The following ADAM17 variants were observed in gnomAD, a reference collection of about 807,000 sequenced individuals.
ADAM17 encodes the protein disintegrin and metalloproteinase domain-containing protein 17.
ADAM17 carries 39 observed loss-of-function variants against 96.7 expected under a neutral mutation model. That is an observed-to-expected ratio of 0.40 (90% CI 0.31 to 0.53). The LOEUF is 0.53. Among genes scored for constraint, ADAM17 ranks in the 20% least tolerant of loss-of-function variants. The pLI is 0.44. For missense variants in ADAM17, 777 were observed against 1,013.2 expected (o/e 0.77, Z 3.17); for synonymous variants, 344 against 359.2 (o/e 0.96, Z 0.48).
chr2:9,497,634 T>C (rs922625451), intron 13 of ADAM17, among the ~76,000 whole-genome samples: 6 of 152,216 alleles, frequency 3.9e-5, no homozygotes, highest in South Asian at 4.1e-4. Context: ...CACACAACTC[T>C]CCCACAGCCC....
intron 1 of ADAM17, among the ~76,000 whole-genome samples, chr2:9,551,586 A>T (rs1457942553): frequency 6.6e-6 from 1 of 151,972 alleles, no homozygotes; most frequent in African/African-American, 2.4e-5. Flanking sequence ...CAGCCTCCCG[A>T]GTAGCTGGGA....
intron 11 of ADAM17, among the ~76,000 whole-genome samples, chr2:9,505,874 A>T (rs1663356410): frequency 6.6e-6 from 1 of 152,170 alleles, no homozygotes; most frequent in African/African-American, 2.4e-5. Context: ...AGTTGTTTAA[A>T]TATTTGAGCT....
At chr2:9,494,978 A>C in intron 14 of ADAM17, 1 of 433,320 alleles carries the variant, frequency 2.3e-6, no homozygotes, top group East Asian at 3.7e-5. Context: ...CAAGGTTTAA[A>C]AAAAAATGCA....
chr2:9,514,551 ATATATATATATATAT>A (rs1663946693), intron 10 of ADAM17, among the ~76,000 whole-genome samples: 1 of 99,050 alleles, frequency 1.0e-5, no homozygotes, highest in African/African-American at 3.2e-5. Flanking sequence ...ATATATATAT[ATATATATATATATAT>A]ATAAATAAAA....
chr2:9,546,942 C>T (rs1173667885), intron 1 of ADAM17, among the ~76,000 whole-genome samples: 12 of 152,104 alleles, frequency 7.9e-5, no homozygotes, highest in African/African-American at 2.7e-4. Flanking sequence ...CTCTTGACCT[C>T]GTGATCCACC....
chr2:9,537,162 AATT>A (rs1250081003), intron 2 of ADAM17, among the ~76,000 whole-genome samples: 3 of 152,242 alleles, frequency 2.0e-5, no homozygotes, highest in African/African-American at 4.8e-5. Flanking sequence ...TATCTAAAAA[AATT>A]ATTATCAAAA....
chr2:9,515,783 G>A (rs1404275780), intron 10 of ADAM17, among the ~76,000 whole-genome samples: 1 of 151,532 alleles, frequency 6.6e-6, no homozygotes, highest in African/African-American at 2.4e-5. Flanking sequence ...ACTGCCAACT[G>A]CCTTCCAAAG....
intron 13 of ADAM17, among the ~76,000 whole-genome samples, chr2:9,498,029 T>C (rs1572890121): frequency 6.6e-6 from 1 of 152,314 alleles, no homozygotes; most frequent in East Asian, 1.9e-4. Flanking sequence ...AAATCAATTA[T>C]TCTTTTTATT....
Position 9,523,337 on chromosome 2 carries a change from A to G in ADAM17, c.755T>C (p.Ile252Thr). The change falls in exon 7 of 19, where the codon ATA (isoleucine) becomes ACA (threonine). Residue 252 changes from isoleucine (I) to threonine (T), a missense_variant and splice_region_variant. Ile to Thr is a moderately conservative substitution (Grantham distance 89). Around this residue, in one of 3 missense-constraint regions of ADAM17, gnomAD observed 446 missense variants for 664.7 expected, o/e 0.67. Transcript: ENST00000310823. ...GEESTTTNYL[I>T]ELIDRVDDIY... The stretch of plus-strand genomic sequence containing the variant: ...GTCATCAACTCTGTCAATTAGCTCT[A>G]TCTGTGTGTATTTAAAAAAGAAAAA... 6.2e-7 allele frequency: 1 copy of G among 1,607,106 alleles called. No individual in the cohort carries two copies. The highest frequency in any genetic ancestry group is 8.5e-7 in the Non-Finnish European group (1 of 1,174,862).
At chr2:9,511,971 A>AAAAT (rs1363504573) in intron 10 of ADAM17, among the ~76,000 whole-genome samples, 1 of 150,072 alleles carries the variant, frequency 6.7e-6, no homozygotes, top group Admixed American at 6.7e-5. Context: ...AGTCTGTCTT[A>AAAAT]AAATAAATAA....
chr2:9,519,958 C>T (rs189664516), intron 8 of ADAM17, among the ~76,000 whole-genome samples: 41 of 152,344 alleles, frequency 2.7e-4, no homozygotes, highest in African/African-American at 9.1e-4. Flanking sequence ...GCTGTCTCAA[C>T]CAACCTCTCA....
rs34525911 is a variant in ADAM17 at position 9,489,259 on chromosome 2, A to ATTTTTTTTTTTTTTTTTTTTT, written c.*897_*917dup. On this transcript the variant is annotated 3_prime_UTR_variant, in exon 19 of 19. Transcript: ENST00000310823. ...AATATTCTAGGTTTGTAGATAGTGA[A>ATTTTTTTTTTTTTTTTTTTTT]TTTTTTTTTTTTTTTTTTTTTTTTG... The ATTTTTTTTTTTTTTTTTTTTT allele has an allele frequency of 4.6e-4, 40 of 87,398 alleles. 3 individuals carry two copies. The highest frequency in any genetic ancestry group is 2.4e-3 in the African/African-American group (37 of 15,528). The allele number at this position is 87,398 out of a possible 1,614,324, so 5.4% of individuals were successfully genotyped here. A position where few individuals can be genotyped will look rare whatever the true frequency, so the allele number is the denominator to read the frequency against.
rs150218722 is a variant in ADAM17 at position 9,551,836 on chromosome 2, A to G, written c.97+3673T>C. Reference sequence around the variant, plus strand: ...CGAAGCATTCGAAAGCAAAGGTGTCACTGTCTCGGCCACCCACATAAATAA... The same window carrying G: ...CGAAGCATTCGAAAGCAAAGGTGTCGCTGTCTCGGCCACCCACATAAATAA... On this transcript the variant is annotated intron_variant, in intron 1 of 18. Coordinates refer to ENST00000310823, the MANE Select transcript of ADAM17 (RefSeq NM_003183.6). 5.4e-3 allele frequency among the ~76,000 whole-genome samples: 826 copies of G among 152,320 alleles called. 8 individuals carry two copies. The highest frequency in any genetic ancestry group is 0.019 in the African/African-American group (774 of 41,560).
At position 9,503,137 on chromosome 2, in the gene ADAM17, C is replaced by CAA. The variant is rs750548968; in HGVS notation, c.1545-863_1545-862dup. 5.7e-4 allele frequency among the ~76,000 whole-genome samples: 42 copies of CAA among 74,194 alleles called. 1 individual carries two copies. Among genetic ancestry groups the CAA allele is most frequent in the Admixed American group, 1.5e-3 (9 of 5,888 alleles). The allele number at this position is 74,194 out of a possible 152,430, so 48.7% of individuals were successfully genotyped here. On this transcript the variant is annotated intron_variant, in intron 12 of 18. Transcript: ENST00000310823. ...CCTGGTCAACAGGGCGAGACTCTCT[C>CAA]AAAAAAAAAAAAAAAGACAAGGAAA...
intron 18 of ADAM17, 92 bp from the exon 19 acceptor site, chr2:9,490,610 T>TA: frequency 1.5e-6 from 2 of 1,313,354 alleles, no homozygotes; most frequent in Non-Finnish European, 2.1e-6. Context: ...CAGCCTCTTA[T>TA]TCTGTTGGCA....
chr2:9,527,836 T>A lies in ADAM17; in HGVS notation c.569A>T (p.Asp190Val). ...SPKVCGYLKV[D>V]NEELLPKGLV... ...CCCTTTTGGGAGCAACTCTTCATTA[T>A]CCACTTTTAAATAACCACACACTTT... The change falls in exon 5 of 19, where the codon GAT becomes GTT. Residue 190 changes from aspartate (D) to valine (V), a missense_variant. Coordinates refer to ENST00000310823, the MANE Select transcript of ADAM17 (RefSeq NM_003183.6). The A allele has an allele frequency of 6.2e-7, 1 of 1,605,910 alleles. No homozygotes were observed. The highest frequency in any genetic ancestry group is 8.5e-7 in the Non-Finnish European group (1 of 1,176,974).
chr2:9,523,385 T>A (rs149287449), intron 6 of ADAM17, 47 bp from the exon 7 acceptor site: 24,456 of 1,435,138 alleles, frequency 0.017, 269 homozygotes, highest in Middle Eastern at 0.023. Flanking sequence ...ACTCTTTACC[T>A]CTCCTGGCAA....
At chr2:9,522,527 T>C (rs980618234) in intron 7 of ADAM17, 1 of 505,872 alleles carries the variant, frequency 2.0e-6, no homozygotes. Context: ...AAGTTTAACA[T>C]TTATAAACAT....
chr2:9,545,111 G>A (rs1665358004), intron 1 of ADAM17, among the ~76,000 whole-genome samples: 1 of 152,162 alleles, frequency 6.6e-6, no homozygotes, highest in African/African-American at 2.4e-5. Context: ...AGTTCTCAAA[G>A]TGTAGTTCCC....
Sources: gnomAD v4.1 joint callset for allele counts (sites outside exome capture counted in the v4.1 genomes callset) on GRCh38, gnomAD v4.1.1 for gene constraint, gnomAD v4.1.1 regional missense constraint, MANE v1.5 for transcripts, NCBI Gene and HGNC (gene_info 2026-07-23, HGNC 2026-07-21) for gene names.